The following NEMP2 variants were observed in gnomAD, a reference collection of about 807,000 sequenced individuals.
NEMP2 encodes UPF0571 transmembrane protein.
In NEMP2, 53 loss-of-function variants were observed where a neutral mutation model predicts 54.2. That is an observed-to-expected ratio of 0.98 (90% confidence interval 0.78 to 1.23). The LOEUF is 1.23. NEMP2 is among the 50% of genes most tolerant of loss of function. NEMP2 has a pLI of 0.00. For missense variants in NEMP2, 455 were observed against 511.3 expected (o/e 0.89, Z 1.06); for synonymous variants, 197 against 190.3 (o/e 1.04, Z -0.29).
At chr2:190,604,097 AGTT>A in the NEMP2 span, among the ~76,000 whole-genome samples, 1 of 152,230 alleles carries the variant, frequency 6.6e-6, no homozygotes, top group African/African-American at 2.4e-5. The surrounding 1 kb of genome is among the most constrained non-coding windows in gnomAD (Gnocchi z 4.5). Context: ...AAGGGAATCT[AGTT>A]GTGAATAAGC....
At chr2:190,486,657 T>C in the NEMP2 span, among the ~76,000 whole-genome samples, 1 of 152,338 alleles carries the variant, frequency 6.6e-6, no homozygotes, top group East Asian at 1.9e-4. Flanking sequence ...GGAGAATAAA[T>C]TTAGTCCCTG....
chr2:190,628,581 G>A, the NEMP2 span: 1 of 152,202 alleles, frequency 6.6e-6, no homozygotes, highest in African/African-American at 2.4e-5. The surrounding 1 kb of genome is among the most constrained non-coding windows in gnomAD (Gnocchi z 4.1). Flanking sequence ...GAATCTCTCT[G>A]GGGAGTTCGG....
chr2:190,452,698 A>G, the NEMP2 span, among the ~76,000 whole-genome samples: 10 of 152,122 alleles, frequency 6.6e-5, no homozygotes, highest in Admixed American at 4.6e-4. Context: ...CACTTTTTCA[A>G]TGGTTTCAAC....
chr2:190,489,097 G>A, the NEMP2 span, among the ~76,000 whole-genome samples: 7 of 152,178 alleles, frequency 4.6e-5, no homozygotes, highest in South Asian at 1.4e-3. The surrounding 1 kb of genome is among the most constrained non-coding windows in gnomAD (Gnocchi z 6.6). Context: ...AAATGAATTA[G>A]CATGAGTGCT....
chr2:190,427,773 C>T, the NEMP2 span, among the ~76,000 whole-genome samples: 1 of 151,824 alleles, frequency 6.6e-6, no homozygotes, highest in Admixed American at 6.6e-5. Flanking sequence ...CTCTTGTCAC[C>T]CAGGCTAGAG....
the NEMP2 span, among the ~76,000 whole-genome samples, chr2:190,589,423 A>G: frequency 6.6e-6 from 1 of 152,166 alleles, no homozygotes; most frequent in Non-Finnish European, 1.5e-5. The surrounding 1 kb of genome is among the most constrained non-coding windows in gnomAD (Gnocchi z 4.3). Context: ...AATAAGCTTC[A>G]CTAGTCAAAT....
At chr2:190,587,740 G>T in the NEMP2 span, among the ~76,000 whole-genome samples, 2 of 152,190 alleles carry the variant, frequency 1.3e-5, no homozygotes, top group Non-Finnish European at 2.9e-5. The surrounding 1 kb of genome is among the most constrained non-coding windows in gnomAD (Gnocchi z 5.4). Flanking sequence ...TAGTGAGAAG[G>T]AATTGAGAAG....
chr2:190,437,493 G>A, the NEMP2 span: 12 of 1,614,104 alleles, frequency 7.4e-6, no homozygotes, highest in African/African-American at 1.2e-4. The surrounding 1 kb of genome is among the most constrained non-coding windows in gnomAD (Gnocchi z 5.9). Context: ...GTTCAGTCCT[G>A]AGTCATGTGT....
At chr2:190,606,854 C>T in the NEMP2 span, among the ~76,000 whole-genome samples, 1 of 152,182 alleles carries the variant, frequency 6.6e-6, no homozygotes, top group Non-Finnish European at 1.5e-5. Context: ...AATGCATTTA[C>T]TTTAAGAATT....
Position 190,519,357 on chromosome 2 carries a change from G to A in NEMP2, c.214-174C>T, listed in dbSNP as rs1263833428. 6.6e-6 allele frequency among the ~76,000 whole-genome samples: 1 copy of A among 152,150 alleles called. No individual in the cohort carries two copies. Among genetic ancestry groups the A allele is most frequent in the Non-Finnish European group, 1.5e-5 (1 of 68,028 alleles). Reference sequence around the variant, plus strand: ...CCACTTCAGCCTCCCAAGTAGCTGGGACCACAGGCACATGCCACCTGCCCA... The same window carrying A: ...CCACTTCAGCCTCCCAAGTAGCTGGAACCACAGGCACATGCCACCTGCCCA... On this transcript the variant is annotated intron_variant, in intron 2 of 8. Transcript: ENST00000409150. This position sits in a 1 kb window ranked among gnomAD's most constrained non-coding sequence, Gnocchi z 5.4.
the NEMP2 span, among the ~76,000 whole-genome samples, chr2:190,454,687 A>G: frequency 2.0e-5 from 3 of 152,190 alleles, no homozygotes; most frequent in African/African-American, 7.2e-5. The surrounding 1 kb of genome is among the most constrained non-coding windows in gnomAD (Gnocchi z 4.6). Context: ...TAAGAAATAA[A>G]TGTCTATTGC....
At chr2:190,472,260 G>A in the NEMP2 span, among the ~76,000 whole-genome samples, 1 of 151,978 alleles carries the variant, frequency 6.6e-6, no homozygotes, top group African/African-American at 2.4e-5. Flanking sequence ...GATGAGTTGA[G>A]AGAAGGCTTC....
chr2:190,470,118 C>T, the NEMP2 span, among the ~76,000 whole-genome samples: 1 of 152,202 alleles, frequency 6.6e-6, no homozygotes, highest in African/African-American at 2.4e-5. Flanking sequence ...CTAGAATAAA[C>T]TCCTGTGCAC....
At position 190,513,311 on chromosome 2, in the gene NEMP2, T is replaced by C. The variant is rs76343340; in HGVS notation, c.953+1142A>G. 0.15 allele frequency among the ~76,000 whole-genome samples: 22,273 copies of C among 152,232 alleles called. 1,848 individuals are homozygous for C. The highest frequency in any genetic ancestry group is 0.22 in the Middle Eastern group (64 of 294). On this transcript the variant is annotated intron_variant, in intron 7 of 8. Coordinates refer to ENST00000409150, the MANE Select transcript of NEMP2 (RefSeq NM_001142645.2). The surrounding 1 kb of genome is among the most constrained non-coding windows in gnomAD (Gnocchi z 5.3). The stretch of plus-strand genomic sequence containing the variant: ...CCAATTTTTCTAGAAAACCAGCAGA[T>C]CTGGCAATACAGGACTCATATTCCC...
At chr2:190,473,401 G>A in the NEMP2 span, among the ~76,000 whole-genome samples, 1 of 152,044 alleles carries the variant, frequency 6.6e-6, no homozygotes, top group Admixed American at 6.6e-5. Flanking sequence ...GATCTACCAA[G>A]CAAATGGAAA....
the NEMP2 span, among the ~76,000 whole-genome samples, chr2:190,485,048 T>C: frequency 6.6e-6 from 1 of 152,214 alleles, no homozygotes; most frequent in Non-Finnish European, 1.5e-5. This position sits in a 1 kb window ranked among gnomAD's most constrained non-coding sequence, Gnocchi z 5.1. Context: ...GAGAATCTTT[T>C]ACAACTACCA....
the NEMP2 span, among the ~76,000 whole-genome samples, chr2:190,543,262 G>A: frequency 6.6e-6 from 1 of 152,206 alleles, no homozygotes; most frequent in African/African-American, 2.4e-5. The surrounding 1 kb of genome is among the most constrained non-coding windows in gnomAD (Gnocchi z 4.7). Context: ...ACAAACCTCC[G>A]ACAGCACAGT....
chr2:190,437,551 G>A, the NEMP2 span: 27 of 1,612,678 alleles, frequency 1.7e-5, no homozygotes, highest in Admixed American at 6.7e-5. This position sits in a 1 kb window ranked among gnomAD's most constrained non-coding sequence, Gnocchi z 5.9. Flanking sequence ...TGAATTGATC[G>A]GCCACATCAG....
rs1372448872 is a variant in NEMP2 at position 190,522,978 on chromosome 2, C to T, written c.213+2285G>A. On this transcript the variant is annotated intron_variant, in intron 2 of 8. Coordinates refer to ENST00000409150, the MANE Select transcript of NEMP2 (RefSeq NM_001142645.2). This position sits in a 1 kb window ranked among gnomAD's most constrained non-coding sequence, Gnocchi z 5.0. ...ATGTAAAACCAAGCTGTGCCCTGAC[C>T]ACCTTGGGCACATGTTCTCAGAATC... Among the ~76,000 whole-genome samples, 2 of 152,150 alleles carry T rather than the reference C, an allele frequency of 1.3e-5. No homozygotes were observed. The highest frequency in any genetic ancestry group is 1.9e-4 in the East Asian group (1 of 5,198).
Sources: allele counts gnomAD v4.1 joint callset (sites outside exome capture counted in the v4.1 genomes callset), GRCh38; gene constraint gnomAD v4.1.1; non-coding constraint Gnocchi (gnomAD v3.1); transcripts MANE v1.5; gene names NCBI Gene and HGNC (gene_info 2026-07-23, HGNC 2026-07-21).